The following IQSEC1 variants were observed in gnomAD, a reference collection of about 807,000 sequenced individuals.
IQSEC1 encodes the protein IQ motif and Sec7 domain ArfGEF 1.
IQSEC1 carries 31 observed loss-of-function variants against 91.0 expected under a neutral mutation model. The ratio of observed to expected loss-of-function variants is 0.34; its 90% confidence interval spans 0.26 to 0.46. IQSEC1 has a LOEUF of 0.46. IQSEC1 is among the 20% of genes least tolerant of loss of function. IQSEC1 has a pLI of 1.00. For missense variants in IQSEC1, 1,388 were observed against 1,575.6 expected (o/e 0.88, Z 2.02); for synonymous variants, 699 against 662.6 (o/e 1.05, Z -0.84).
At chr3:13,257,130 C>CA (rs1235928212) in intron 1 of IQSEC1, among the ~76,000 whole-genome samples, 6 of 152,150 alleles carry the variant, frequency 3.9e-5, no homozygotes, top group African/African-American at 1.4e-4. Context: ...CAGTGAGGGT[C>CA]AGGGAGGGCA....
At chr3:13,115,465 A>G (rs925391520) in intron 2 of IQSEC1, among the ~76,000 whole-genome samples, 4 of 152,184 alleles carry the variant, frequency 2.6e-5, no homozygotes, top group Non-Finnish European at 5.9e-5. Flanking sequence ...CTCTTAGCAA[A>G]GTCCTGGTGC....
rs115109716 is a variant in IQSEC1, at chr3:13,275,184, C to T, written c.272+7527G>A. Among the ~76,000 whole-genome samples, 381 of 152,362 alleles carry T rather than the reference C, an allele frequency of 2.5e-3. 3 individuals are homozygous for T. Among genetic ancestry groups the T allele is most frequent in the African/African-American group, 8.5e-3 (355 of 41,584 alleles). ...ACAGAGACATGGAGAAGAATGTGCC[C>T]AGCAGGCAGCACCTAGAACGGGCTC... On this transcript the variant is annotated intron_variant, in intron 1 of 15. Transcript: ENST00000648114.
chr3:13,011,587 A>T (rs1702885417), intron 1 of IQSEC1, among the ~76,000 whole-genome samples: 1 of 152,198 alleles, frequency 6.6e-6, no homozygotes, highest in South Asian at 2.1e-4. Flanking sequence ...GTGCGAATAC[A>T]CTGGGGCCAG....
At chr3:13,242,250 G>C (rs1695033199) in intron 1 of IQSEC1, among the ~76,000 whole-genome samples, 1 of 152,296 alleles carries the variant, frequency 6.6e-6, no homozygotes, top group Non-Finnish European at 1.5e-5. Flanking sequence ...CTGTGATGCG[G>C]GTGAGCTGCT....
chr3:13,151,562 C>G (rs906171318), intron 2 of IQSEC1, among the ~76,000 whole-genome samples: 1 of 152,140 alleles, frequency 6.6e-6, no homozygotes, highest in Non-Finnish European at 1.5e-5. Context: ...AGGCCCCACA[C>G]CAAAGGACAA....
rs557855585 is a variant in IQSEC1 at position 12,927,670 on chromosome 3, C to T, written c.1569-2928G>A. Among the ~76,000 whole-genome samples the T allele has an allele frequency of 1.1e-4, 17 of 152,356 alleles. 1 individual carries two copies. The highest frequency in any genetic ancestry group is 2.1e-4 in the South Asian group (1 of 4,826). On this transcript the variant is annotated intron_variant, in intron 3 of 13. Transcript: ENST00000613206. ...GAAGAGGGGAAGGTGCTGTGGGAAG[C>T]GGGCACGTGGGCTCTTCAGGATTAG... is the stretch of plus-strand genomic sequence containing the variant.
At chr3:13,117,412 C>A (rs1282575144) in intron 2 of IQSEC1, among the ~76,000 whole-genome samples, 1 of 151,068 alleles carries the variant, frequency 6.6e-6, no homozygotes, top group African/African-American at 2.4e-5. Flanking sequence ...TGGTGAAACC[C>A]CGTCTCTACT....
chr3:12,989,217 T>C (rs551023168), intron 1 of IQSEC1, among the ~76,000 whole-genome samples: 11 of 152,318 alleles, frequency 7.2e-5, no homozygotes, highest in Middle Eastern at 3.4e-3. Context: ...TGGCTTTCGG[T>C]CTCTTTTGCT....
intron 1 of IQSEC1, among the ~76,000 whole-genome samples, chr3:13,231,313 ATCTG>A (rs1241138337): frequency 1.3e-5 from 2 of 152,188 alleles, no homozygotes; most frequent in African/African-American, 2.4e-5. Flanking sequence ...ACATGTGTGC[ATCTG>A]TCTCTCTTAG....
At chr3:13,203,785 C>T (rs137958450) in intron 1 of IQSEC1, among the ~76,000 whole-genome samples, 195 of 152,320 alleles carry the variant, frequency 1.3e-3, no homozygotes, top group African/African-American at 4.3e-3. Flanking sequence ...AGTCACATGG[C>T]CCCATGTCCA....
At chr3:13,215,517 G>A (rs1043808051) in intron 1 of IQSEC1, among the ~76,000 whole-genome samples, 1 of 152,164 alleles carries the variant, frequency 6.6e-6, no homozygotes. Flanking sequence ...CTTCACAATT[G>A]CAATTAGCCA....
At chr3:13,148,568 G>A (rs1706936147) in intron 2 of IQSEC1, among the ~76,000 whole-genome samples, 1 of 152,200 alleles carries the variant, frequency 6.6e-6, no homozygotes, top group African/African-American at 2.4e-5. Flanking sequence ...TTTTGTTTTT[G>A]GTATGAAATG....
intron 2 of IQSEC1, among the ~76,000 whole-genome samples, chr3:13,088,343 T>C (rs1213526852): frequency 6.6e-6 from 1 of 152,156 alleles, no homozygotes; most frequent in African/African-American, 2.4e-5. Flanking sequence ...CTCTGCTCAC[T>C]GCAGGGCTGA....
chr3:12,920,407 GC>G (rs765976250), intron 6 of IQSEC1, 22 bp downstream of exon 6: 219 of 1,608,704 alleles, frequency 1.4e-4, no homozygotes, highest in Non-Finnish European at 1.8e-4. Context: ...TCTGTGGCTG[GC>G]CGACCGCCTG....
At chr3:12,948,517 G>A (rs867168011) in intron 1 of IQSEC1, among the ~76,000 whole-genome samples, 10 of 152,352 alleles carry the variant, frequency 6.6e-5, no homozygotes, top group Middle Eastern at 6.8e-3. Context: ...AGACCTGTTG[G>A]ATGCCACGTC....
intron 2 of IQSEC1, among the ~76,000 whole-genome samples, chr3:13,113,235 G>A (rs938672547): frequency 1.3e-5 from 2 of 152,014 alleles, no homozygotes; most frequent in Non-Finnish European, 1.5e-5. Flanking sequence ...GTCTGGGGGA[G>A]GCAAAAAAAA....
chr3:12,999,089 G>C (rs1702326590), intron 1 of IQSEC1, among the ~76,000 whole-genome samples: 1 of 152,186 alleles, frequency 6.6e-6, no homozygotes, highest in African/African-American at 2.4e-5. Context: ...TAATTTCTGA[G>C]TGGGGAGCTG....
At chr3:13,063,759 C>T (rs908503391) in intron 1 of IQSEC1, among the ~76,000 whole-genome samples, 1 of 152,212 alleles carries the variant, frequency 6.6e-6, no homozygotes, top group African/African-American at 2.4e-5. Flanking sequence ...GGGCCGGCCC[C>T]AGTGCCCCTG....
At chr3:13,006,892 C>T (rs1458603457) in intron 1 of IQSEC1, among the ~76,000 whole-genome samples, 2 of 152,214 alleles carry the variant, frequency 1.3e-5, no homozygotes, top group African/African-American at 2.4e-5. Context: ...TGCTCTGGGC[C>T]GGGCTCTGAC....
Sources: gnomAD v4.1 joint callset for allele counts (sites outside exome capture counted in the v4.1 genomes callset) on GRCh38, gnomAD v4.1.1 for gene constraint, MANE v1.5 for transcripts, NCBI Gene and HGNC (gene_info 2026-07-23, HGNC 2026-07-21) for gene names.